KDM6A: variants seen among roughly 807,000 people sequenced by gnomAD.
KDM6A encodes lysine-specific demethylase 6A.
KDM6A carries 11 observed loss-of-function variants against 117.6 expected under a neutral mutation model. The ratio of observed to expected loss-of-function variants is 0.09; its 90% CI spans 0.06 to 0.15. KDM6A has a LOEUF of 0.15. Among genes scored for constraint, KDM6A ranks in the 10% least tolerant of loss-of-function variants. The probability of loss-of-function intolerance (pLI) is 1.00; values close to 1 mark genes in which losing one functional copy is unlikely to be tolerated. For synonymous variants in KDM6A, 384 were observed against 396.1 expected (o/e 0.97, Z 0.36); for missense variants, 799 against 1,077.3 (o/e 0.74, Z 3.62).
chrX:44,886,238 G>A (rs2032861012), intron 2 of KDM6A, among the ~76,000 whole-genome samples: 1 of 108,939 alleles, frequency 9.2e-6, no homozygotes. Context: ...TTTTAGTAGA[G>A]ACGGTTTCAC....
chrX:44,972,012 G>T (rs2039370942), intron 3 of KDM6A, among the ~76,000 whole-genome samples: 1 of 110,259 alleles, frequency 9.1e-6, no homozygotes, highest in African/African-American at 3.3e-5. Context: ...GCAGGGGTTT[G>T]GGGGGAGTGT....
intron 27 of KDM6A, among the ~76,000 whole-genome samples, chrX:45,099,091 C>T (rs898913694): frequency 3.6e-5 from 4 of 111,319 alleles, no homozygotes; most frequent in Non-Finnish European, 5.7e-5. Context: ...CATGCTTGCA[C>T]GTGCTTTTTC....
At chrX:45,016,564 A>G (rs761898582) in intron 5 of KDM6A, among the ~76,000 whole-genome samples, 1 of 111,258 alleles carries the variant, frequency 9.0e-6, no homozygotes, top group Non-Finnish European at 1.9e-5. Context: ...CAGTGGCACA[A>G]TCAAGGCTCA....
intron 27 of KDM6A, among the ~76,000 whole-genome samples, chrX:45,100,415 A>G (rs1418237546): frequency 1.8e-5 from 2 of 112,237 alleles, no homozygotes; most frequent in Non-Finnish European, 3.8e-5. Context: ...TTTTCAATAC[A>G]TTGGAAACTT....
chrX:44,917,174 G>A (rs772043926), intron 2 of KDM6A, among the ~76,000 whole-genome samples: 4 of 109,904 alleles, frequency 3.6e-5, no homozygotes, highest in Middle Eastern at 4.2e-3. Context: ...TAACAGGCAC[G>A]TGCCACCATC....
intron 4 of KDM6A, among the ~76,000 whole-genome samples, chrX:44,989,357 G>GGT (rs2040442438): frequency 9.3e-6 from 1 of 107,104 alleles, no homozygotes; most frequent in Non-Finnish European, 1.9e-5. Flanking sequence ...TCCCGGGTGA[G>GGT]GTGATGCCTC....
intron 2 of KDM6A, among the ~76,000 whole-genome samples, chrX:44,882,602 A>G (rs2032417987): frequency 8.9e-6 from 1 of 112,256 alleles, no homozygotes; most frequent in Admixed American, 9.6e-5. Flanking sequence ...ACAAGAGGTA[A>G]TTTTTCCTGA....
At chrX:45,072,206 ATTT>A (rs1019994092) in intron 18 of KDM6A, among the ~76,000 whole-genome samples, 1 of 110,308 alleles carries the variant, frequency 9.1e-6, no homozygotes, top group Non-Finnish European at 1.9e-5. Flanking sequence ...TTTATATTTT[ATTT>A]TTTTCTTTAT....
chrX:44,993,907 T>C (rs1446392703), intron 4 of KDM6A, among the ~76,000 whole-genome samples: 3 of 112,159 alleles, frequency 2.7e-5, no homozygotes, highest in Non-Finnish European at 5.6e-5. Flanking sequence ...ACCTTCCCTT[T>C]GTGCATAGGA....
At chrX:45,018,877 A>G (rs1458780822) in intron 5 of KDM6A, among the ~76,000 whole-genome samples, 1 of 111,690 alleles carries the variant, frequency 9.0e-6, no homozygotes, top group African/African-American at 3.3e-5. Flanking sequence ...CCATAATTTT[A>G]TTATTATAAA....
intron 27 of KDM6A, among the ~76,000 whole-genome samples, chrX:45,092,812 A>G (rs1272780300): frequency 4.5e-5 from 5 of 111,634 alleles, no homozygotes; most frequent in Admixed American, 9.6e-5. Context: ...AGATGAAATC[A>G]ACTACACAAA....
intron 25 of KDM6A, 99 bp from the exon 26 acceptor site, chrX:45,089,644 A>T (rs2045806893): frequency 1.7e-6 from 1 of 586,648 alleles, no homozygotes; most frequent in Admixed American, 2.8e-5. Context: ...AATAAAATGA[A>T]CAAGTGTTTA....
At chrX:44,964,435 T>G (rs1294374036) in intron 3 of KDM6A, among the ~76,000 whole-genome samples, 1 of 82,644 alleles carries the variant, frequency 1.2e-5, no homozygotes, top group Admixed American at 1.5e-4. Context: ...GGTGACAGAG[T>G]GAGACTCTGT....
chrX:45,033,219 G>T (rs1265101716), intron 6 of KDM6A, among the ~76,000 whole-genome samples: 1 of 111,942 alleles, frequency 8.9e-6, no homozygotes, highest in Non-Finnish European at 1.9e-5. Context: ...TGATTATAAA[G>T]CATGCTTTGC....
chrX:45,080,111 A>G (rs1415672478), intron 21 of KDM6A, among the ~76,000 whole-genome samples: 2 of 111,260 alleles, frequency 1.8e-5, no homozygotes, highest in African/African-American at 6.6e-5. Flanking sequence ...CCTGAAGGGC[A>G]CATTCACTCC....
At chrX:44,986,766 G>A (rs1296907349) in intron 4 of KDM6A, among the ~76,000 whole-genome samples, 1 of 112,120 alleles carries the variant, frequency 8.9e-6, no homozygotes, top group African/African-American at 3.2e-5. Context: ...TTGCACTGTG[G>A]TCTGAGAGAG....
In KDM6A at chrX:45,079,161, C is replaced by T. The variant is rs768476045; in HGVS notation, c.3110C>T (p.Ser1037Phe). 8.3e-7 allele frequency: 1 copy of T among 1,205,852 alleles called. No individual in the cohort carries two copies. The highest frequency in any genetic ancestry group is 1.1e-6 in the Non-Finnish European group (1 of 890,542). ...GALKLDLGLF[S>F]TKTLVEANNE... is the part of the protein sequence containing the mutation. Reference sequence around the variant, plus strand: ...ATTCATGAAGACCTGGGACTTTTCTCTACTAAAACTTTGGTGGAAGCTAAC... The same window carrying T: ...ATTCATGAAGACCTGGGACTTTTCTTTACTAAAACTTTGGTGGAAGCTAAC... The change falls in exon 21 of 30, where the codon TCT (serine) becomes TTT (phenylalanine). Residue 1037 changes from serine to phenylalanine, a missense_variant. Ser to Phe is a radical substitution (Grantham distance 155). Coordinates refer to ENST00000611820, the MANE Select transcript of KDM6A (RefSeq NM_001291415.2).
At chrX:44,924,181 T>C (rs2036159285) in intron 2 of KDM6A, among the ~76,000 whole-genome samples, 1 of 112,341 alleles carries the variant, frequency 8.9e-6, no homozygotes, top group Non-Finnish European at 1.9e-5. Context: ...ATTTGTATCA[T>C]TTGTGATTAA....
Position 45,061,349 on chromosome X carries a change from G to T in KDM6A, c.1511G>T (p.Gly504Val). ...TKNTSDNWSG[G>V]HAVSHPPVQQ... ...AATACTTCTGACAATTGGAGTGGTG[G>T]ACATGCTGTGTCACATCCTCCAGTA... The change falls in exon 15 of 30, where the codon GGA becomes GTA. Residue 504 changes from glycine to valine, a missense_variant. Gly to Val is a moderately radical substitution (Grantham distance 109). Around this residue, in one of 8 missense-constraint regions of KDM6A, gnomAD observed 301 missense variants for 318.3 expected, o/e 0.95. Transcript: ENST00000611820. The T allele has an allele frequency of 8.5e-7, 1 of 1,180,726 alleles. No homozygotes were observed. The highest frequency in any genetic ancestry group is 1.8e-5 in the African/African-American group (1 of 56,727).
Sources: allele counts gnomAD v4.1 joint callset (sites outside exome capture counted in the v4.1 genomes callset), GRCh38; gene constraint gnomAD v4.1.1; regional missense constraint gnomAD v4.1.1; transcripts MANE v1.5; gene names NCBI Gene and HGNC (gene_info 2026-07-23, HGNC 2026-07-21).